THSD7A: variants seen among roughly 807,000 people sequenced by gnomAD.
The protein encoded by THSD7A is thrombospondin type-1 domain-containing protein 7A.
A neutral mutation model predicts 231.3 loss-of-function variants in THSD7A; 96 were observed. The ratio of observed to expected loss-of-function variants is 0.41; its 90% CI spans 0.35 to 0.49. THSD7A has a LOEUF of 0.49. THSD7A is among the 20% of genes least tolerant of loss of function. The pLI is 0.05. For synonymous variants in THSD7A, 940 were observed against 743.3 expected, an observed-to-expected ratio of 1.26 and a Z score of -4.30; for missense variants, 2,290 against 2,070.2, an observed-to-expected ratio of 1.11 and a Z score of -2.06.
chr7:11,590,057 T>C lies in THSD7A; in HGVS notation c.1453+403A>G, dbSNP rs1343892106. Among the ~76,000 whole-genome samples the C allele has an allele frequency of 6.6e-6, 1 of 152,208 alleles. No individual in the cohort carries two copies. Among genetic ancestry groups the C allele is most frequent in the African/African-American group, 2.4e-5 (1 of 41,458 alleles). ...CATAATTAACTTATTTTTAACCACA[T>C]TTTATCCAAATAAGATTTCTTTTGA... On this transcript the variant is annotated intron_variant, in intron 4 of 27. Transcript: ENST00000423059. This position sits in a 1 kb window ranked among gnomAD's most constrained non-coding sequence, Gnocchi z 4.4.
At chr7:11,752,769 A>G (rs548016847) in intron 1 of THSD7A, among the ~76,000 whole-genome samples, 168 of 152,044 alleles carry the variant, frequency 1.1e-3, no homozygotes, top group African/African-American at 3.9e-3. Context: ...TAAATTAAAA[A>G]AATTCTATTA....
At chr7:11,620,785 A>G (rs371062803) in intron 2 of THSD7A, among the ~76,000 whole-genome samples, 3 of 152,198 alleles carry the variant, frequency 2.0e-5, no homozygotes, top group African/African-American at 7.2e-5. Context: ...TTTGCCCCCA[A>G]CAGGGTAGAA....
At position 11,636,161 on chromosome 7, in the gene THSD7A, T is replaced by C. The variant is rs771958223; in HGVS notation, c.991A>G (p.Ile331Val). Residue 331 changes from isoleucine to valine, a missense_variant, in exon 2 of 28, where the codon ATT becomes GTT. By Grantham distance (29) the Ile-to-Val change is conservative (BLOSUM62 3). Transcript: ENST00000423059. This position sits in a 1 kb window ranked among gnomAD's most constrained non-coding sequence, Gnocchi z 10.0. ...TCAGCAGCTTTCCCCGTCTTGTTAATGCACATAACCTCTCTGGTCTGATAT... is the reference window on the plus strand; with the variant it reads ...TCAGCAGCTTTCCCCGTCTTGTTAACGCACATAACCTCTCTGGTCTGATAT... ...IGYQTREVMC[I>V]NKTGKAADLS... 3.7e-6 allele frequency: 6 copies of C among 1,612,798 alleles called. No homozygotes were observed. The highest frequency in any genetic ancestry group is 4.5e-5 in the East Asian group (2 of 44,888).
At chr7:11,759,588 A>C (rs928994870) in intron 1 of THSD7A, among the ~76,000 whole-genome samples, 5 of 152,066 alleles carry the variant, frequency 3.3e-5, no homozygotes, top group African/African-American at 1.2e-4. Flanking sequence ...AATTCATGAA[A>C]GATATCAGTT....
chr7:11,515,794 A>C (rs1047458743), intron 6 of THSD7A, among the ~76,000 whole-genome samples: 3 of 152,166 alleles, frequency 2.0e-5, no homozygotes, highest in Non-Finnish European at 2.9e-5. Context: ...ATTTACATAC[A>C]TAATATCTTG....
intron 1 of THSD7A, among the ~76,000 whole-genome samples, chr7:11,795,559 G>A (rs1315419021): frequency 6.6e-6 from 1 of 151,882 alleles, no homozygotes. Flanking sequence ...TGTTGTATTA[G>A]TCCCTAGTTT....
intron 6 of THSD7A, among the ~76,000 whole-genome samples, chr7:11,530,067 A>C (rs1429185635): frequency 6.6e-6 from 1 of 152,220 alleles, no homozygotes; most frequent in East Asian, 1.9e-4. Flanking sequence ...TAGCATGTGA[A>C]CCTAGAGTCA....
intron 1 of THSD7A, among the ~76,000 whole-genome samples, chr7:11,774,990 G>A (rs1342488924): frequency 3.3e-5 from 5 of 152,050 alleles, no homozygotes; most frequent in Non-Finnish European, 5.9e-5. Context: ...AGGAGGCAGG[G>A]GTTGCAGTGA....
chr7:11,676,202 C>G lies in THSD7A; in HGVS notation c.191-39241G>C, dbSNP rs113135887. Among the ~76,000 whole-genome samples, 12 of 152,256 alleles carry G rather than the reference C, an allele frequency of 7.9e-5. 1 individual carries two copies. Among genetic ancestry groups the G allele is most frequent in the African/African-American group, 1.7e-4 (7 of 41,552 alleles). On this transcript the variant is annotated intron_variant, in intron 1 of 27. Transcript: ENST00000423059. ...GACTGTTAGAAAGAAAACTGACAAA[C>G]AGAAAGCAATAGCATCAACATCTAA...
chr7:11,447,248 T>C lies in THSD7A; in HGVS notation c.2782A>G (p.Arg928Gly). Residue 928 changes from arginine (R) to glycine (G), a missense_variant, in exon 12 of 28, where the codon AGA (arginine) becomes GGA (glycine). Transcript: ENST00000423059. The stretch of plus-strand genomic sequence containing the variant: ...TTCTTACCAACAAGAGTGCGCTTTC[T>C]GGTCCTAACTGCACCACAGTCTCCA... The part of the protein sequence containing the change: ...CNGDCGAVRT[R>G]KRTLVGKSKK... 1 of 1,613,126 alleles carries C rather than the reference T, an allele frequency of 6.2e-7. No individual in the cohort carries two copies. Among genetic ancestry groups the C allele is most frequent in the Non-Finnish European group, 8.5e-7 (1 of 1,179,432 alleles).
chr7:11,429,057 A>G lies in THSD7A; in HGVS notation c.3133T>C (p.Ser1045Pro), dbSNP rs1405330858. 1 of 1,612,754 alleles carries G rather than the reference A, an allele frequency of 6.2e-7. No individual in the cohort carries two copies. Among genetic ancestry groups the G allele is most frequent in the African/African-American group, 1.3e-5 (1 of 74,874 alleles). The change falls in exon 14 of 28, where the codon TCG becomes CCG. Residue 1045 changes from serine to proline, a missense_variant. Physicochemically the swap from Ser to Pro is moderately conservative, Grantham distance 74. Transcript: ENST00000423059. ...DCKLSEWSNW[S>P]RCSKSCGSGV... ...CTCCCACAGGACTTGCTGCAGCGCGACCAGTTGGACCACTCACTGAGCTTG... is the reference window on the plus strand; with the variant it reads ...CTCCCACAGGACTTGCTGCAGCGCGGCCAGTTGGACCACTCACTGAGCTTG...
At chr7:11,587,448 C>G (rs1779956336) in intron 4 of THSD7A, among the ~76,000 whole-genome samples, 1 of 152,170 alleles carries the variant, frequency 6.6e-6, no homozygotes, top group Non-Finnish European at 1.5e-5. Context: ...GGGTTACCTA[C>G]AGCTAAGAGC....
chr7:11,820,382 C>G (rs1201649540), intron 1 of THSD7A: 1 of 1,286,974 alleles, frequency 7.8e-7, no homozygotes, highest in African/African-American at 1.5e-5. Context: ...TTGTCGTCTT[C>G]AATCTCCCAT....
intron 4 of THSD7A, among the ~76,000 whole-genome samples, chr7:11,578,537 G>A (rs1791017877): frequency 1.3e-5 from 2 of 152,178 alleles, no homozygotes; most frequent in Admixed American, 6.6e-5. Flanking sequence ...GTTTAGGGAA[G>A]GATAAAACAC....
chr7:11,732,268 C>T (rs1016363238), intron 1 of THSD7A, among the ~76,000 whole-genome samples: 2 of 151,732 alleles, frequency 1.3e-5, no homozygotes, highest in African/African-American at 4.8e-5. Context: ...GAAAAATTTA[C>T]CATGCATTAC....
chr7:11,541,712 A>T, intron 5 of THSD7A, 81 bp from the exon 6 acceptor site: 2 of 1,330,822 alleles, frequency 1.5e-6, no homozygotes, highest in Non-Finnish European at 2.1e-6. Context: ...CCTCAGAGTA[A>T]AAGTTGGATA....
At chr7:11,555,881 T>C (rs767925921) in intron 4 of THSD7A, among the ~76,000 whole-genome samples, 5 of 151,828 alleles carry the variant, frequency 3.3e-5, no homozygotes, top group Non-Finnish European at 7.4e-5. Flanking sequence ...ATTTATTCGA[T>C]GTTATCATAG....
chr7:11,717,156 C>T (rs933179823), intron 1 of THSD7A, among the ~76,000 whole-genome samples: 3 of 151,610 alleles, frequency 2.0e-5, no homozygotes, highest in Non-Finnish European at 4.4e-5. Context: ...GAGATCCACA[C>T]TTGACTGATT....
At chr7:11,526,458 A>G (rs1303558613) in intron 6 of THSD7A, among the ~76,000 whole-genome samples, 2 of 152,180 alleles carry the variant, frequency 1.3e-5, no homozygotes, top group African/African-American at 2.4e-5. Context: ...TTGTTGCACT[A>G]TATTAGAATC....
Sources: gnomAD v4.1 joint callset for allele counts (sites outside exome capture counted in the v4.1 genomes callset) on GRCh38, gnomAD v4.1.1 for gene constraint, Gnocchi (gnomAD v3.1) non-coding constraint, MANE v1.5 for transcripts, NCBI Gene and HGNC (gene_info 2026-07-23, HGNC 2026-07-21) for gene names.